Variants in ARHGAP15 observed in about 807,000 individuals in gnomAD.
ARHGAP15 encodes rho GTPase-activating protein 15.
A neutral mutation model predicts 63.7 loss-of-function variants in ARHGAP15; 51 were observed. The ratio of observed to expected loss-of-function variants is 0.80; its 90% CI spans 0.64 to 1.01. The LOEUF is 1.01. ARHGAP15 is among the 50% of genes least tolerant of loss of function. The pLI is 0.00. For synonymous variants in ARHGAP15, 191 were observed against 193.8 expected (o/e 0.99, Z 0.12); for missense variants, 560 against 564.6 (o/e 0.99, Z 0.08).
intron 8 of ARHGAP15, among the ~76,000 whole-genome samples, chr2:143,475,661 G>A (rs1259636530): frequency 1.3e-5 from 2 of 152,196 alleles, no homozygotes; most frequent in African/African-American, 2.4e-5. Context: ...GGAATGTGGG[G>A]GTAAGAAGGC....
intron 6 of ARHGAP15, among the ~76,000 whole-genome samples, chr2:143,418,314 C>CACCTGTTGTCCTCA (rs1300594056): frequency 6.6e-6 from 1 of 152,196 alleles, no homozygotes; most frequent in Non-Finnish European, 1.5e-5. Flanking sequence ...TTTGCTGAGA[C>CACCTGTTGTCCTCA]ACCTGTTGTC....
chr2:143,283,697 T>TC (rs766427377), intron 6 of ARHGAP15, among the ~76,000 whole-genome samples: 48 of 152,080 alleles, frequency 3.2e-4, no homozygotes, highest in Non-Finnish European at 1.0e-4. Context: ...CTTTCTTTTT[T>TC]CCCCCACATT....
chr2:143,206,720 T>G (rs537741234), intron 3 of ARHGAP15, among the ~76,000 whole-genome samples: 4 of 152,114 alleles, frequency 2.6e-5, no homozygotes, highest in African/African-American at 9.7e-5. Context: ...ACACTGTAGT[T>G]CTCCAATAAA....
At chr2:143,291,981 T>G (rs553400588) in intron 6 of ARHGAP15, among the ~76,000 whole-genome samples, 9 of 152,252 alleles carry the variant, frequency 5.9e-5, no homozygotes, top group African/African-American at 1.7e-4. Context: ...ACTGGGAAGT[T>G]TTAAGACACT....
intron 13 of ARHGAP15, among the ~76,000 whole-genome samples, chr2:143,755,955 G>A (rs1686561756): frequency 6.6e-6 from 1 of 151,546 alleles, no homozygotes; most frequent in African/African-American, 2.4e-5. Context: ...AACAGAGTGA[G>A]ACTCCATCTC....
chr2:143,348,491 A>G (rs1685403413), intron 6 of ARHGAP15, among the ~76,000 whole-genome samples: 1 of 152,172 alleles, frequency 6.6e-6, no homozygotes, highest in East Asian at 1.9e-4. Flanking sequence ...TTCAATTGTT[A>G]ATGAAGAATA....
In ARHGAP15 at chr2:143,676,942, T is replaced by C. The variant is rs185305369; in HGVS notation, c.1139-26477T>C. 2.8e-4 allele frequency among the ~76,000 whole-genome samples: 42 copies of C among 152,366 alleles called. 1 individual carries two copies. Among genetic ancestry groups the C allele is most frequent in the Middle Eastern group, 3.4e-3 (1 of 294 alleles). On this transcript the variant is annotated intron_variant, in intron 12 of 13. Transcript: ENST00000295095. ...CTGCAAAGTGCAATAAAGCAAGGTA[T>C]AGTCAAATGATGTGTGCCTATAATT...
intron 13 of ARHGAP15, among the ~76,000 whole-genome samples, chr2:143,732,649 G>C (rs1685584055): frequency 6.6e-6 from 1 of 151,742 alleles, no homozygotes; most frequent in Non-Finnish European, 1.5e-5. Flanking sequence ...AAATAATACA[G>C]GTTGTCAGTA....
chr2:143,181,260 A>G (rs568242117), intron 2 of ARHGAP15, among the ~76,000 whole-genome samples: 1 of 152,292 alleles, frequency 6.6e-6, no homozygotes, highest in Admixed American at 6.5e-5. Flanking sequence ...AATACAGGCA[A>G]AGTATATTTA....
intron 6 of ARHGAP15, among the ~76,000 whole-genome samples, chr2:143,358,996 C>T (rs1029847867): frequency 1.3e-5 from 2 of 150,298 alleles, no homozygotes; most frequent in African/African-American, 4.9e-5. Context: ...TCATATAAAA[C>T]AAAATATGTA....
intron 8 of ARHGAP15, among the ~76,000 whole-genome samples, chr2:143,437,811 G>A (rs1249150289): frequency 6.6e-6 from 1 of 152,088 alleles, no homozygotes; most frequent in African/African-American, 2.4e-5. Flanking sequence ...GGATCACGAG[G>A]TCAGGAGCTC....
At chr2:143,751,551 G>A (rs1332181018) in intron 13 of ARHGAP15, among the ~76,000 whole-genome samples, 3 of 152,114 alleles carry the variant, frequency 2.0e-5, no homozygotes, top group African/African-American at 7.2e-5. Context: ...TCTTTAGAAG[G>A]ATGAACTACA....
In ARHGAP15 at chr2:143,447,449, A is replaced by G. The variant is rs567011289; in HGVS notation, c.703+10407A>G. 2.6e-5 allele frequency among the ~76,000 whole-genome samples: 4 copies of G among 152,288 alleles called. No homozygotes were observed. The East Asian group carries it at 7.7e-4, about 29-fold the overall frequency. On this transcript the variant is annotated intron_variant, in intron 8 of 13. Transcript: ENST00000295095. Reference sequence around the variant, plus strand: ...ACCACTGAAAGTCTGGTCTCACCAAACTATAGTGTATTGATCAGCTGGCAA... The same window carrying G: ...ACCACTGAAAGTCTGGTCTCACCAAGCTATAGTGTATTGATCAGCTGGCAA...
At chr2:143,629,888 A>C (rs1698995549) in intron 12 of ARHGAP15, among the ~76,000 whole-genome samples, 1 of 152,186 alleles carries the variant, frequency 6.6e-6, no homozygotes. Context: ...CTATTTAAAA[A>C]GAAATTAGTT....
chr2:143,747,560 T>G (rs1686217371), intron 13 of ARHGAP15, among the ~76,000 whole-genome samples: 2 of 152,182 alleles, frequency 1.3e-5, no homozygotes. Context: ...CCAAAACCTC[T>G]GCAACCACTG....
intron 6 of ARHGAP15, among the ~76,000 whole-genome samples, chr2:143,307,960 CA>C (rs1683253655): frequency 6.6e-6 from 1 of 152,074 alleles, no homozygotes; most frequent in Admixed American, 6.6e-5. Flanking sequence ...CTAGATACAG[CA>C]CACAGTTTTA....
intron 6 of ARHGAP15, among the ~76,000 whole-genome samples, chr2:143,418,530 C>T (rs553860358): frequency 7.2e-5 from 11 of 152,192 alleles, no homozygotes; most frequent in Non-Finnish European, 1.5e-4. Context: ...AATATACAAT[C>T]TTATCAAATT....
chr2:143,460,483 C>T (rs1191757712), intron 8 of ARHGAP15, among the ~76,000 whole-genome samples: 10 of 152,096 alleles, frequency 6.6e-5, no homozygotes. Context: ...AATTTCTTAT[C>T]AAAGAGCTGG....
At chr2:143,501,468 T>C (rs911052314) in intron 9 of ARHGAP15, among the ~76,000 whole-genome samples, 3 of 152,210 alleles carry the variant, frequency 2.0e-5, no homozygotes, top group African/African-American at 7.2e-5. Flanking sequence ...CTGTTTTAGT[T>C]ATAAATCTGT....
Sources: allele counts gnomAD v4.1 joint callset (sites outside exome capture counted in the v4.1 genomes callset), GRCh38; gene constraint gnomAD v4.1.1; transcripts MANE v1.5; gene names NCBI Gene and HGNC (gene_info 2026-07-23, HGNC 2026-07-21).